Variants in PYM1 observed in about 807,000 individuals in gnomAD.
PYM1 encodes the protein partner of Y14 and mago.
In PYM1, 7 loss-of-function variants were observed where a neutral mutation model predicts 20.7. The observed-to-expected ratio is 0.34, with a 90% CI of 0.19 to 0.64. PYM1 has a LOEUF of 0.64. PYM1 is among the 30% of genes least tolerant of loss of function. The pLI is 0.74. For missense variants in PYM1, 194 were observed against 250.0 expected, an observed-to-expected ratio of 0.78 and a Z score of 1.51; for synonymous variants, 100 against 99.2, an observed-to-expected ratio of 1.01 and a Z score of -0.05.
intron 1 of PYM1, among the ~76,000 whole-genome samples, chr12:55,906,455 A>C (rs1436763613): frequency 6.6e-6 from 1 of 152,128 alleles, no homozygotes; most frequent in Non-Finnish European, 1.5e-5. Flanking sequence ...TTACAGGGCC[A>C]GCAGTTTCAC....
intron 1 of PYM1, among the ~76,000 whole-genome samples, chr12:55,923,231 AT>A (rs1883130907): frequency 6.6e-6 from 1 of 151,990 alleles, no homozygotes. Flanking sequence ...TCTCAAAAAA[AT>A]AGTAATAAAT....
rs564334054 is a variant in PYM1 at position 55,927,727 on chromosome 12, G to C, written c.35C>G (p.Thr12Arg). ...GGAGGGCGCCGCGGGTCGGTCACCT[G>C]TCTCCGTAGCCGCAGGGCTGCCGGC... The part of the protein sequence containing the change: ...EAAGSPAATE[T>R]GKYIASTQRP... The change falls in exon 1 of 3, where the codon ACA (threonine) becomes AGA (arginine). Residue 12 changes from threonine to arginine, a missense_variant and splice_region_variant. Physicochemically the swap from Thr to Arg is moderately conservative, Grantham distance 71 (BLOSUM62 -1). Around this residue, in one of 3 missense-constraint regions of PYM1, gnomAD observed 19 missense variants for 17.8 expected, o/e 1.07. Transcript: ENST00000408946. 2 of 1,540,022 alleles carry C rather than the reference G, an allele frequency of 1.3e-6. No individual in the cohort carries two copies. Among genetic ancestry groups the C allele is most frequent in the East Asian group, 4.9e-5 (2 of 40,918 alleles).
chr12:55,926,071 G>C (rs1337872142), intron 1 of PYM1, among the ~76,000 whole-genome samples: 1 of 152,194 alleles, frequency 6.6e-6, no homozygotes, highest in African/African-American at 2.4e-5. Flanking sequence ...TTAAAACACC[G>C]TGTGTACCAA....
chr12:55,927,774 A>C lies in PYM1; in HGVS notation c.-13T>G, dbSNP rs1189396983. Reference sequence around the variant, plus strand: ...CGGCAGCTTCCATGGCCGAAGAGGCAGCGGACCAGGTTGGGCGGGCGGCCC... The same window carrying C: ...CGGCAGCTTCCATGGCCGAAGAGGCCGCGGACCAGGTTGGGCGGGCGGCCC... On this transcript the variant is annotated 5_prime_UTR_variant, in exon 1 of 3. Coordinates refer to ENST00000408946, the MANE Select transcript of PYM1 (RefSeq NM_032345.3). 6.5e-7 allele frequency: 1 copy of C among 1,538,468 alleles called. No homozygotes were observed. The highest frequency in any genetic ancestry group is 8.7e-7 in the Non-Finnish European group (1 of 1,146,084).
intron 1 of PYM1, among the ~76,000 whole-genome samples, chr12:55,912,713 C>A (rs770959809): frequency 6.6e-6 from 1 of 152,136 alleles, no homozygotes; most frequent in Non-Finnish European, 1.5e-5. Context: ...GTATGTAATC[C>A]CAGCACTTTG....
chr12:55,904,927 CTTTT>C (rs1180829958), intron 1 of PYM1, among the ~76,000 whole-genome samples: 2 of 151,918 alleles, frequency 1.3e-5, no homozygotes, highest in African/African-American at 2.4e-5. Flanking sequence ...GGTCCTCTAA[CTTTT>C]TTTATTTCAG....
At chr12:55,917,235 C>A (rs766330245) in intron 1 of PYM1, among the ~76,000 whole-genome samples, 11 of 151,848 alleles carry the variant, frequency 7.2e-5, no homozygotes, top group Non-Finnish European at 1.2e-4. Context: ...GCCTGGCCAA[C>A]ATGGTGAAAG....
chr12:55,921,647 A>G (rs1883099470), intron 1 of PYM1, among the ~76,000 whole-genome samples: 1 of 152,176 alleles, frequency 6.6e-6, no homozygotes, highest in South Asian at 2.1e-4. Flanking sequence ...GCAGGACTGG[A>G]GCAGAGAACA....
intron 1 of PYM1, chr12:55,927,337 C>A: frequency 1.3e-6 from 1 of 750,938 alleles, no homozygotes; most frequent in Non-Finnish European, 2.3e-6. Context: ...GCGCTTGCTG[C>A]CTGTAAAACA....
rs1416830213 is a variant in PYM1 at position 55,902,124 on chromosome 12, T to C, written c.363A>G (p.Thr121=). ...CCTGTGGAGCACTGGGGAGTTGGGC[T>C]GTCTCTTCCAGGGACACCTTATCAA... The part of the protein sequence containing the change: ...RTLDKVSLEE[T]AQLPSAPQGS... The change falls in exon 3 of 3, where the codon ACA becomes ACG. Residue 121 remains threonine (T), a synonymous_variant. Transcript: ENST00000408946. 2.5e-6 allele frequency: 4 copies of C among 1,614,162 alleles called. No homozygotes were observed. The highest frequency in any genetic ancestry group is 3.4e-6 in the Non-Finnish European group (4 of 1,180,036).
At chr12:55,924,352 G>A (rs1883153110) in intron 1 of PYM1, among the ~76,000 whole-genome samples, 1 of 152,058 alleles carries the variant, frequency 6.6e-6, no homozygotes, top group African/African-American at 2.4e-5. Flanking sequence ...CTTCATATTC[G>A]AGAAATCTGG....
chr12:55,907,483 A>T (rs996147605), intron 1 of PYM1, among the ~76,000 whole-genome samples: 6 of 150,364 alleles, frequency 4.0e-5, no homozygotes, highest in South Asian at 4.2e-4. Context: ...AAAAAAAAAA[A>T]ATTAGCCGGG....
intron 1 of PYM1, among the ~76,000 whole-genome samples, chr12:55,915,650 A>T (rs1882993768): frequency 6.6e-6 from 1 of 152,174 alleles, no homozygotes; most frequent in Admixed American, 6.6e-5. Context: ...ATTTTCAAAA[A>T]ATTTACAGAC....
chr12:55,905,908 G>A (rs1169391050), intron 1 of PYM1, among the ~76,000 whole-genome samples: 2 of 105,754 alleles, frequency 1.9e-5, no homozygotes, highest in Non-Finnish European at 3.7e-5. Context: ...ATATCTAATA[G>A]ATATATATAT....
rs1681072 is a variant in PYM1 at position 55,902,181 on chromosome 12, C to T, written c.306G>A (p.Glu102=). The T allele has an allele frequency of 7.4e-6, 12 of 1,614,056 alleles. No homozygotes were observed. The East Asian group carries it at 2.5e-4, about 33-fold the overall frequency. The change falls in exon 3 of 3, where the codon GAG becomes GAA. Residue 102 remains glutamate, a synonymous_variant. Coordinates refer to ENST00000408946, the MANE Select transcript of PYM1 (RefSeq NM_032345.3). ...KRKEKRRQQQ[E]KGEAEALSRT... ...TGCTCAAGGCCTCTGCCTCTCCTTT[C>T]TCTTGCTGCTGCCGCCTCTTCTCCT...
At chr12:55,915,057 T>C (rs1439116996) in intron 1 of PYM1, among the ~76,000 whole-genome samples, 2 of 150,658 alleles carry the variant, frequency 1.3e-5, no homozygotes, top group Admixed American at 6.6e-5. Flanking sequence ...CCACTAAAAA[T>C]AGAAAAAATT....
chr12:55,903,322 A>G, intron 2 of PYM1, 65 bp downstream of exon 2: 1 of 1,437,470 alleles, frequency 7.0e-7, no homozygotes, highest in Non-Finnish European at 9.7e-7. Context: ...TTGTAGGCAT[A>G]AGGATATTCT....
chr12:55,904,987 ATATT>A (rs993796664), intron 1 of PYM1, among the ~76,000 whole-genome samples: 5 of 151,408 alleles, frequency 3.3e-5, no homozygotes, highest in African/African-American at 1.2e-4. Flanking sequence ...TCATTATACA[ATATT>A]TATTTATATT....
intron 1 of PYM1, among the ~76,000 whole-genome samples, chr12:55,908,882 T>C (rs565399507): frequency 6.6e-6 from 1 of 150,940 alleles, no homozygotes; most frequent in South Asian, 2.1e-4. Context: ...ACAAAAAAAG[T>C]TGTTAAAGGC....
Sources: gnomAD v4.1 joint callset for allele counts (sites outside exome capture counted in the v4.1 genomes callset) on GRCh38, gnomAD v4.1.1 for gene constraint, gnomAD v4.1.1 regional missense constraint, MANE v1.5 for transcripts, NCBI Gene and HGNC (gene_info 2026-07-23, HGNC 2026-07-21) for gene names.